ANKRD44: variants seen among roughly 807,000 people sequenced by gnomAD.
ANKRD44 encodes serine/threonine-protein phosphatase 6 regulatory ankyrin repeat subunit B.
Under a neutral mutation model 116.0 loss-of-function variants are expected in ANKRD44, and 35 were observed. That is an observed-to-expected ratio of 0.30 (90% CI 0.23 to 0.40). The LOEUF is 0.40. Ranked by LOEUF, ANKRD44 falls within the 10% of genes least tolerant of loss-of-function variation. ANKRD44 has a pLI of 1.00. For synonymous variants in ANKRD44, 435 were observed against 461.8 expected (o/e 0.94, Z 0.74); for missense variants, 1,014 against 1,242.6 (o/e 0.82, Z 2.77).
At chr2:197,019,348 A>C (rs920117723) in intron 17 of ANKRD44, among the ~76,000 whole-genome samples, 1 of 152,234 alleles carries the variant, frequency 6.6e-6, no homozygotes, top group African/African-American at 2.4e-5. Flanking sequence ...ATAGCTGCAC[A>C]GGATAGTAAG....
chr2:197,029,164 G>A (rs1017184163), intron 16 of ANKRD44: 1 of 186,492 alleles, frequency 5.4e-6, no homozygotes. Flanking sequence ...GGTGTGTGAT[G>A]TTCCCCTTCC....
rs192414457 is a variant in ANKRD44 at position 197,230,748 on chromosome 2, G to C, written c.28-43642C>G. 1.8e-3 allele frequency among the ~76,000 whole-genome samples: 276 copies of C among 152,216 alleles called. 2 individuals carry two copies. Among genetic ancestry groups the C allele is most frequent in the African/African-American group, 6.1e-3 (253 of 41,548 alleles). ...TGGGAAGCAAACTGGCACTGGTGGA[G>C]GGCTGTGCTCCACGTAGTCATTCGG... On this transcript the variant is annotated intron_variant, in intron 1 of 27. Transcript: ENST00000282272.
At chr2:197,175,523 G>T (rs1163558255) in intron 2 of ANKRD44, among the ~76,000 whole-genome samples, 1 of 152,150 alleles carries the variant, frequency 6.6e-6, no homozygotes, top group Non-Finnish European at 1.5e-5. Context: ...CGGTACCACT[G>T]AGCTGAAGAG....
At chr2:197,150,698 TA>T (rs897929846) in intron 2 of ANKRD44, among the ~76,000 whole-genome samples, 18 of 151,888 alleles carry the variant, frequency 1.2e-4, no homozygotes, top group African/African-American at 4.4e-4. Flanking sequence ...AGAAATTAAA[TA>T]GAAAGGGGTC....
chr2:197,099,822 G>A lies in ANKRD44; in HGVS notation c.1094C>T (p.Thr365Ile), dbSNP rs369014272. Residue 365 changes from threonine to isoleucine, a missense_variant, in exon 10 of 28, where the codon ACA becomes ATA. Physicochemically the swap from Thr to Ile is moderately conservative, Grantham distance 89. Coordinates refer to ENST00000282272, the MANE Select transcript of ANKRD44 (RefSeq NM_001195144.2). ...TATTTTTGCGGTAACCTACTTGGCT[G>A]TGTCAGCTCCGCTGGTTATTAAGGT... is the stretch of plus-strand genomic sequence containing the variant. ...INTLITSGAD[T>I]AKCGIHSMFP... is the part of the protein sequence containing the mutation. The A allele has an allele frequency of 4.0e-5, 65 of 1,613,844 alleles. No individual in the cohort carries two copies. The highest frequency in any genetic ancestry group is 5.3e-5 in the Non-Finnish European group (62 of 1,179,956).
At chr2:196,991,568 A>T (rs1470198493) in intron 27 of ANKRD44, among the ~76,000 whole-genome samples, 1 of 152,080 alleles carries the variant, frequency 6.6e-6, no homozygotes, top group Non-Finnish European at 1.5e-5. Flanking sequence ...ATGTACAATC[A>T]TTTAGGAGAA....
At chr2:197,148,744 A>C (rs1343246365) in intron 2 of ANKRD44, among the ~76,000 whole-genome samples, 1 of 152,250 alleles carries the variant, frequency 6.6e-6, no homozygotes, top group Non-Finnish European at 1.5e-5. Flanking sequence ...ACTACCATTA[A>C]GTAGACAAAA....
intron 1 of ANKRD44, among the ~76,000 whole-genome samples, chr2:197,246,248 A>T (rs907124409): frequency 2.0e-5 from 3 of 151,460 alleles, no homozygotes; most frequent in Admixed American, 2.0e-4. Context: ...GTACAATGGC[A>T]GCAACATAGC....
rs955797873 is a variant in ANKRD44, at chr2:197,090,871, T to A, written c.1101-839A>T. On this transcript the variant is annotated intron_variant, in intron 10 of 27. Transcript: ENST00000282272. ...GAATCTGGCCAGAGACAGCTGGACT[T>A]CAGGGGAAGATTATCTACCCATCCC... Among the ~76,000 whole-genome samples, 4 of 152,186 alleles carry A rather than the reference T, an allele frequency of 2.6e-5. No individual in the cohort carries two copies. In the South Asian group the frequency reaches 8.3e-4, roughly 32 times the overall value.
rs1390881932 is a variant in ANKRD44 at position 197,024,478 on chromosome 2, A to C, written c.1722+718T>G. Among the ~76,000 whole-genome samples the C allele has an allele frequency of 2.0e-5, 3 of 152,230 alleles. 1 individual carries two copies. The South Asian group carries it at 6.2e-4, about 31-fold the overall frequency. On this transcript the variant is annotated intron_variant, in intron 17 of 27. Coordinates refer to ENST00000282272, the MANE Select transcript of ANKRD44 (RefSeq NM_001195144.2). ...TCCTAGGGAGCAGCTGCTGATGGCC[A>C]ACTCTTAGCAACTCACAATCTGAGA...
At chr2:197,277,570 C>T (rs1046817481) in intron 1 of ANKRD44, among the ~76,000 whole-genome samples, 33 of 152,228 alleles carry the variant, frequency 2.2e-4, no homozygotes, top group Middle Eastern at 6.8e-3. Context: ...CCACTCCTAT[C>T]CAGTCTTTCA....
At chr2:197,024,234 T>C (rs2076548763) in intron 17 of ANKRD44, among the ~76,000 whole-genome samples, 1 of 152,220 alleles carries the variant, frequency 6.6e-6, no homozygotes, top group South Asian at 2.1e-4. Context: ...GTACACATAG[T>C]ATTAAGTGAA....
intron 2 of ANKRD44, among the ~76,000 whole-genome samples, chr2:197,157,493 G>A (rs1293307327): frequency 2.0e-5 from 3 of 151,848 alleles, no homozygotes; most frequent in East Asian, 3.9e-4. Flanking sequence ...TGGCCAACAT[G>A]GTGAAACTCC....
At chr2:197,262,453 G>A (rs1310731684) in intron 1 of ANKRD44, among the ~76,000 whole-genome samples, 1 of 152,144 alleles carries the variant, frequency 6.6e-6, no homozygotes, top group African/African-American at 2.4e-5. Flanking sequence ...GAACAATTTT[G>A]ACCTACCCCC....
At chr2:197,151,715 T>G (rs1013526288) in intron 2 of ANKRD44, among the ~76,000 whole-genome samples, 9 of 152,166 alleles carry the variant, frequency 5.9e-5, no homozygotes, top group Admixed American at 5.9e-4. Context: ...GATACAAAAT[T>G]TAAAATATCT....
At chr2:197,047,987 T>C (rs2077034989) in intron 16 of ANKRD44, among the ~76,000 whole-genome samples, 1 of 152,112 alleles carries the variant, frequency 6.6e-6, no homozygotes, top group Non-Finnish European at 1.5e-5. Flanking sequence ...AGTATCTGAT[T>C]CTAAGAGAAA....
intron 16 of ANKRD44, among the ~76,000 whole-genome samples, chr2:197,050,963 C>T (rs940654655): frequency 7.7e-6 from 1 of 130,058 alleles, no homozygotes; most frequent in Non-Finnish European, 1.6e-5. Flanking sequence ...TCAAATGTCT[C>T]CCTTACTTTT....
At chr2:197,187,184 T>C (rs79755132) in intron 1 of ANKRD44, 78 bp from the exon 2 acceptor site, 15 of 1,426,328 alleles carry the variant, frequency 1.1e-5, no homozygotes, top group Admixed American at 1.7e-5. Context: ...GTGAGAAGAT[T>C]TGTTCCTTAA....
intron 16 of ANKRD44, among the ~76,000 whole-genome samples, chr2:197,055,488 T>C (rs1406935788): frequency 6.6e-6 from 1 of 152,202 alleles, no homozygotes; most frequent in Non-Finnish European, 1.5e-5. Flanking sequence ...TTTGGTTCAT[T>C]AATTTTGCAT....
Sources: allele counts gnomAD v4.1 joint callset (sites outside exome capture counted in the v4.1 genomes callset), GRCh38; gene constraint gnomAD v4.1.1; transcripts MANE v1.5; gene names NCBI Gene and HGNC (gene_info 2026-07-23, HGNC 2026-07-21).